The following ANKRD44 variants were observed in gnomAD, a reference collection of about 807,000 sequenced individuals.
The protein encoded by ANKRD44 is serine/threonine-protein phosphatase 6 regulatory ankyrin repeat subunit B.
Under a neutral mutation model 116.0 loss-of-function variants are expected in ANKRD44, and 35 were observed. That is an observed-to-expected ratio of 0.30 (90% CI 0.23 to 0.40). The LOEUF (loss-of-function observed/expected upper bound fraction) is 0.40. Ranked by LOEUF, ANKRD44 falls within the 10% of genes least tolerant of loss-of-function variation. The pLI is 1.00. For missense variants in ANKRD44, 1,014 were observed against 1,242.6 expected (o/e 0.82, Z 2.77); for synonymous variants, 435 against 461.8 (o/e 0.94, Z 0.74).
intron 6 of ANKRD44, among the ~76,000 whole-genome samples, chr2:197,123,814 T>A (rs1171342831): frequency 1.2e-4 from 18 of 152,160 alleles, no homozygotes; most frequent in Non-Finnish European, 2.9e-5. Flanking sequence ...TGGCTTGTTT[T>A]ATTAAAATTT....
intron 16 of ANKRD44, among the ~76,000 whole-genome samples, chr2:197,037,443 T>C (rs916548034): frequency 1.3e-5 from 2 of 152,208 alleles, no homozygotes; most frequent in African/African-American, 2.4e-5. Context: ...GCAAATTCCT[T>C]AGGGGCAGGG....
intron 16 of ANKRD44, chr2:197,029,215 T>G: frequency 1.6e-5 from 3 of 191,294 alleles, no homozygotes; most frequent in Non-Finnish European, 3.2e-5. Context: ...CACCTATGAG[T>G]GGGAACATGC....
downstream of ANKRD44, among the ~76,000 whole-genome samples, chr2:196,984,074 T>C (rs997926185): frequency 6.6e-6 from 1 of 152,226 alleles, no homozygotes; most frequent in Non-Finnish European, 1.5e-5. Flanking sequence ...ATATAAAGTA[T>C]GTTTATGCAA....
At position 197,305,607 on chromosome 2, in the gene ANKRD44, AAAAG is replaced by A. The variant is rs199689970; in HGVS notation, c.27+4967_27+4970del. ...AGGAAGTAAAAAGTTGAAATCTTAA[AAAAG>A]AAAGAAAGAAAGAAAAGAAAAAGAA... On this transcript the variant is annotated intron_variant, in intron 1 of 27. Coordinates refer to ENST00000282272, the MANE Select transcript of ANKRD44 (RefSeq NM_001195144.2). 8.5e-3 allele frequency among the ~76,000 whole-genome samples: 1,288 copies of A among 152,264 alleles called. 13 individuals are homozygous for A. Among genetic ancestry groups the A allele is most frequent in the African/African-American group, 0.029 (1,211 of 41,530 alleles).
chr2:197,044,256 C>T (rs150684598), intron 16 of ANKRD44, among the ~76,000 whole-genome samples: 1,539 of 152,286 alleles, frequency 0.01, 13 homozygotes, highest in Non-Finnish European at 0.015. Context: ...AGAGTAAGAA[C>T]TGGATTATAC....
chr2:197,153,832 T>C (rs930724270), intron 2 of ANKRD44, among the ~76,000 whole-genome samples: 1 of 152,142 alleles, frequency 6.6e-6, no homozygotes, highest in Admixed American at 6.5e-5. Flanking sequence ...TGCATGTGTG[T>C]GTTTGTGTGT....
intron 9 of ANKRD44, among the ~76,000 whole-genome samples, chr2:197,101,949 G>T (rs2078303499): frequency 1.3e-5 from 2 of 151,552 alleles, no homozygotes. Flanking sequence ...TCATATTTTT[G>T]AAAAGGCTTA....
At chr2:197,038,115 A>G (rs771251013) in intron 16 of ANKRD44, among the ~76,000 whole-genome samples, 12 of 152,230 alleles carry the variant, frequency 7.9e-5, no homozygotes, top group Non-Finnish European at 1.5e-4. Flanking sequence ...CACAGAATGT[A>G]TAACACCAAG....
intron 1 of ANKRD44, among the ~76,000 whole-genome samples, chr2:197,269,384 G>GT (rs1204858405): frequency 6.6e-6 from 1 of 152,198 alleles, no homozygotes; most frequent in Non-Finnish European, 1.5e-5. Flanking sequence ...AACGGGAGCT[G>GT]TAACTACTGC....
intron 16 of ANKRD44, among the ~76,000 whole-genome samples, chr2:197,027,927 C>T (rs2076628473): frequency 6.6e-6 from 1 of 151,884 alleles, no homozygotes; most frequent in Non-Finnish European, 1.5e-5. Flanking sequence ...TGGGCTCAAG[C>T]AATACTGCCA....
intron 16 of ANKRD44, among the ~76,000 whole-genome samples, chr2:197,037,638 T>A (rs1037368585): frequency 1.3e-5 from 2 of 152,202 alleles, no homozygotes; most frequent in African/African-American, 2.4e-5. Flanking sequence ...AGATTTTCCC[T>A]TTATAAAAAC....
intron 16 of ANKRD44, among the ~76,000 whole-genome samples, chr2:197,061,298 G>A (rs995066977): frequency 2.6e-5 from 4 of 152,116 alleles, no homozygotes; most frequent in African/African-American, 9.7e-5. Flanking sequence ...TCCTCTGGCC[G>A]AACTCCCATA....
chr2:197,046,801 T>C (rs148446289), intron 16 of ANKRD44, among the ~76,000 whole-genome samples: 370 of 152,314 alleles, frequency 2.4e-3, no homozygotes, highest in East Asian at 0.015. Flanking sequence ...TCATCCTTAA[T>C]AGGTAAAGTA....
At chr2:197,189,149 A>G (rs2080761037) in intron 1 of ANKRD44, among the ~76,000 whole-genome samples, 1 of 152,202 alleles carries the variant, frequency 6.6e-6, no homozygotes, top group Non-Finnish European at 1.5e-5. Context: ...TATAAGTACT[A>G]TCAGTAAGAC....
intron 9 of ANKRD44, among the ~76,000 whole-genome samples, chr2:197,108,874 A>C (rs547484118): frequency 5.3e-5 from 8 of 149,948 alleles, no homozygotes; most frequent in Admixed American, 6.6e-5. Context: ...ACAACAACAA[A>C]AACACAAATA....
intron 1 of ANKRD44, among the ~76,000 whole-genome samples, chr2:197,305,642 T>A (rs2084046033): frequency 6.6e-6 from 1 of 151,996 alleles, no homozygotes. Flanking sequence ...AAGAAAAAAG[T>A]TAGTTCCATT....
At chr2:196,968,803 G>C (rs952354530) in intron 21 of ANKRD44, among the ~76,000 whole-genome samples, 5 of 152,090 alleles carry the variant, frequency 3.3e-5, no homozygotes, top group African/African-American at 9.7e-5. Context: ...TGCCACAATT[G>C]CATCACTTTT....
chr2:197,015,041 G>T, intron 17 of ANKRD44: 2 of 233,282 alleles, frequency 8.6e-6, no homozygotes, highest in Non-Finnish European at 1.7e-5. Context: ...AACTACAGAT[G>T]ATACTTTAAG....
rs534153958 is a variant in ANKRD44, at chr2:197,057,700, T to G, written c.1650+21003A>C. 4.6e-5 allele frequency among the ~76,000 whole-genome samples: 7 copies of G among 152,112 alleles called. No individual in the cohort carries two copies. In the East Asian group the frequency reaches 1.4e-3, roughly 29 times the overall value. On this transcript the variant is annotated intron_variant, in intron 16 of 27. Coordinates refer to ENST00000282272, the MANE Select transcript of ANKRD44 (RefSeq NM_001195144.2). Reference sequence around the variant, plus strand: ...GCAAGATCCTGTCACTACACAAAATTTTTAAAAGTTAGCCAGGCATGGCGG... The same window carrying G: ...GCAAGATCCTGTCACTACACAAAATGTTTAAAAGTTAGCCAGGCATGGCGG...
Sources: gnomAD v4.1 joint callset for allele counts (sites outside exome capture counted in the v4.1 genomes callset) on GRCh38, gnomAD v4.1.1 for gene constraint, MANE v1.5 for transcripts, NCBI Gene and HGNC (gene_info 2026-07-23, HGNC 2026-07-21) for gene names.